The following SACM1L variants were observed in gnomAD, a reference collection of about 807,000 sequenced individuals.
SACM1L encodes SAC1 like phosphatidylinositide phosphatase, also known as phosphatidylinositol-3-phosphatase SAC1.
A neutral mutation model predicts 89.5 loss-of-function variants in SACM1L; 32 were observed. The ratio of observed to expected loss-of-function variants is 0.36; its 90% CI spans 0.27 to 0.48. The LOEUF (loss-of-function observed/expected upper bound fraction) is 0.48. SACM1L is among the 20% of genes least tolerant of loss of function. The pLI, the probability that SACM1L is intolerant of heterozygous loss-of-function variation, is 0.99. For missense variants in SACM1L, 543 were observed against 708.5 expected (o/e 0.77, Z 2.65); for synonymous variants, 213 against 232.8 (o/e 0.92, Z 0.77).
At chr3:45,721,183 C>T (rs1184208398) in intron 8 of SACM1L, among the ~76,000 whole-genome samples, 1 of 152,196 alleles carries the variant, frequency 6.6e-6, no homozygotes, top group Non-Finnish European at 1.5e-5. Context: ...TCAGTATAAG[C>T]ATCTGCTGGA....
intron 1 of SACM1L, among the ~76,000 whole-genome samples, chr3:45,690,747 T>C (rs1298476503): frequency 6.6e-6 from 1 of 152,098 alleles, no homozygotes; most frequent in South Asian, 2.1e-4. Context: ...CTTTCCCTAT[T>C]TTCTCCCAGT....
At chr3:45,696,060 C>T (rs1170892187) in intron 1 of SACM1L, among the ~76,000 whole-genome samples, 2 of 144,790 alleles carry the variant, frequency 1.4e-5, no homozygotes, top group Non-Finnish European at 3.0e-5. Context: ...TACAGTGGTG[C>T]GATCTCGGCC....
chr3:45,695,321 C>G (rs570129959), intron 1 of SACM1L, among the ~76,000 whole-genome samples: 1 of 151,608 alleles, frequency 6.6e-6, no homozygotes, highest in East Asian at 1.9e-4. Context: ...AGTGCAGTGG[C>G]GCAGTCTCGG....
chr3:45,694,041 A>G (rs1250692386), intron 1 of SACM1L, among the ~76,000 whole-genome samples: 1 of 152,230 alleles, frequency 6.6e-6, no homozygotes, highest in Non-Finnish European at 1.5e-5. Flanking sequence ...TTTCCTTTGC[A>G]GGGAAATGAC....
chr3:45,718,980 T>A (rs1698727676), intron 7 of SACM1L, among the ~76,000 whole-genome samples: 1 of 152,166 alleles, frequency 6.6e-6, no homozygotes, highest in Non-Finnish European at 1.5e-5. Context: ...AGTCAAAATT[T>A]CCATTTCTAG....
chr3:45,742,372 G>T (rs571664316), intron 19 of SACM1L, among the ~76,000 whole-genome samples: 2 of 152,298 alleles, frequency 1.3e-5, no homozygotes, highest in Admixed American at 1.3e-4. Context: ...TCCTGCTGTG[G>T]TTTTCAAAGA....
intron 19 of SACM1L, among the ~76,000 whole-genome samples, chr3:45,741,708 C>CTTA (rs1162973109): frequency 2.0e-5 from 3 of 152,062 alleles, no homozygotes; most frequent in Non-Finnish European, 4.4e-5. Flanking sequence ...AAAGAGCCAT[C>CTTA]TTATTATTAT....
intron 1 of SACM1L, among the ~76,000 whole-genome samples, chr3:45,691,666 G>T (rs1436497836): frequency 1.3e-5 from 2 of 151,906 alleles, no homozygotes; most frequent in Admixed American, 6.6e-5. Context: ...CCAGGCTGGA[G>T]TACAGTGGTT....
chr3:45,712,056 AAAT>A (rs1698542323), intron 5 of SACM1L, among the ~76,000 whole-genome samples: 2 of 152,338 alleles, frequency 1.3e-5, no homozygotes, highest in South Asian at 4.1e-4. Flanking sequence ...TATAATGATG[AAAT>A]AATAATAAGT....
At chr3:45,731,254 C>T (rs760206330) in intron 11 of SACM1L, 47 bp from the exon 12 acceptor site, 5 of 1,272,942 alleles carry the variant, frequency 3.9e-6, no homozygotes, top group African/African-American at 1.5e-5. Flanking sequence ...ATACCATTCT[C>T]TCCTTTGAAA....
intron 5 of SACM1L, 146 bp from the exon 6 acceptor site, chr3:45,712,991 T>G: frequency 8.4e-6 from 5 of 597,722 alleles, no homozygotes; most frequent in Non-Finnish European, 1.5e-5. Context: ...GAGGTACAGA[T>G]TTGCGGGGGA....
At chr3:45,707,240 A>C in intron 4 of SACM1L, 1 of 180,734 alleles carries the variant, frequency 5.5e-6, no homozygotes. Flanking sequence ...TTGAAGTTCT[A>C]CTCCTCTTAA....
chr3:45,709,605 C>G lies in SACM1L; in HGVS notation c.441C>G (p.Ser147=). 6.2e-7 allele frequency: 1 copy of G among 1,613,720 alleles called. No individual in the cohort carries two copies. The highest frequency in any genetic ancestry group is 2.2e-5 in the East Asian group (1 of 44,856). Residue 147 remains serine (S), a synonymous_variant, in exon 5 of 20, where the codon TCC becomes TCG. Transcript: ENST00000389061. The stretch of plus-strand genomic sequence containing the variant: ...TGACCCATACTTTGCAGCGGCTATC[C>G]AACACTAGTCCTGAATTCCAAGAAA... The part of the protein sequence containing the change: ...YDLTHTLQRL[S]NTSPEFQEMS...
chr3:45,719,278 A>G lies in SACM1L; in HGVS notation c.578-222A>G, dbSNP rs183933938. On this transcript the variant is annotated intron_variant, in intron 7 of 19. Coordinates refer to ENST00000389061, the MANE Select transcript of SACM1L (RefSeq NM_014016.5). ...CATATCATTTAAATAAAAACACCAT[A>G]GTGAACTTCTTAAACATACTACCTT... is the stretch of plus-strand genomic sequence containing the variant. 3.4e-3 allele frequency among the ~76,000 whole-genome samples: 522 copies of G among 152,330 alleles called. 4 individuals are homozygous for G. The highest frequency in any genetic ancestry group is 5.4e-3 in the Non-Finnish European group (369 of 68,010).
chr3:45,727,849 C>T (rs906046307), intron 11 of SACM1L, among the ~76,000 whole-genome samples: 1 of 152,174 alleles, frequency 6.6e-6, no homozygotes, highest in Non-Finnish European at 1.5e-5. Context: ...CCCGCCTCGG[C>T]CTTCCAAAGT....
At chr3:45,689,599 G>T in intron 1 of SACM1L, 102 bp downstream of exon 1, 1 of 1,335,098 alleles carries the variant, frequency 7.5e-7, no homozygotes, top group Non-Finnish European at 1.0e-6. Context: ...CAGATAGGGT[G>T]TGGGAGCTCC....
chr3:45,704,188 T>C (rs1231292681), intron 2 of SACM1L, among the ~76,000 whole-genome samples: 1 of 152,216 alleles, frequency 6.6e-6, no homozygotes, highest in African/African-American at 2.4e-5. Flanking sequence ...ATAACATATT[T>C]AGAATTTCAT....
chr3:45,738,301 C>T (rs1378748592), intron 16 of SACM1L, among the ~76,000 whole-genome samples: 1 of 152,180 alleles, frequency 6.6e-6, no homozygotes, highest in Non-Finnish European at 1.5e-5. Context: ...TTGCTGTGTC[C>T]TACCACTTAA....
intron 19 of SACM1L, among the ~76,000 whole-genome samples, chr3:45,741,898 A>G (rs149558215): frequency 4.3e-4 from 65 of 152,330 alleles, no homozygotes; most frequent in African/African-American, 1.0e-3. Context: ...TGCAGGTTTT[A>G]GGGCAGGAAG....
Sources: allele counts gnomAD v4.1 joint callset (sites outside exome capture counted in the v4.1 genomes callset), GRCh38; gene constraint gnomAD v4.1.1; transcripts MANE v1.5; gene names NCBI Gene and HGNC (gene_info 2026-07-23, HGNC 2026-07-21).